PTPRF: variants seen among roughly 807,000 people sequenced by gnomAD.
PTPRF encodes the protein receptor-type tyrosine-protein phosphatase F.
Under a neutral mutation model 201.8 loss-of-function variants are expected in PTPRF, and 59 were observed. The observed-to-expected ratio is 0.29, with a 90% CI of 0.24 to 0.36. The LOEUF (loss-of-function observed/expected upper bound fraction) is 0.36. Among genes scored for constraint, PTPRF ranks in the 10% least tolerant of loss-of-function variants. The probability of loss-of-function intolerance (pLI) is 1.00; values close to 1 mark genes in which losing one functional copy is unlikely to be tolerated. For synonymous variants in PTPRF, 1,088 were observed against 1,089.7 expected (o/e 1.00, Z 0.03); for missense variants, 2,132 against 2,690.5 (o/e 0.79, Z 4.59).
intron 25 of PTPRF, 98 bp downstream of exon 25, chr1:43,618,009 A>G: frequency 7.9e-7 from 1 of 1,272,898 alleles, no homozygotes; most frequent in Non-Finnish European, 1.1e-6. Flanking sequence ...CTGTGGAGGA[A>G]GTCGCTCAAG....
intron 20 of PTPRF, 91 bp downstream of exon 20, chr1:43,606,549 C>G: frequency 2.2e-5 from 29 of 1,309,498 alleles, no homozygotes; most frequent in Non-Finnish European, 3.1e-5. Context: ...GACCCCAGGT[C>G]TTTATCAGTT....
At chr1:43,608,098 A>G (rs1397650713) in intron 21 of PTPRF, among the ~76,000 whole-genome samples, 2 of 152,190 alleles carry the variant, frequency 1.3e-5, no homozygotes, top group African/African-American at 4.8e-5. Flanking sequence ...CCCAGGGTGG[A>G]TGGACCTGTG....
In PTPRF at chr1:43,538,224, C is replaced by T. The variant is rs896825027; in HGVS notation, c.-99C>T. 13 of 398,648 alleles carry T rather than the reference C, an allele frequency of 3.3e-5. No individual in the cohort carries two copies. The highest frequency in any genetic ancestry group is 2.1e-4 in the African/African-American group (10 of 48,744). 24.7% of individuals were successfully genotyped at this position (398,648 alleles called of 1,614,324 possible). ...AAGGAGTGGAGGCCCTGGTGCCCGG[C>T]CCTTGGTGCTGAGTATCCAGCAAGA... is the stretch of plus-strand genomic sequence containing the variant. On this transcript the variant is annotated 5_prime_UTR_variant, in exon 2 of 34. Transcript: ENST00000359947.
At chr1:43,526,537 G>T (rs1011406224), upstream of PTPRF, among the ~76,000 whole-genome samples, 1 of 152,038 alleles carries the variant, frequency 6.6e-6, no homozygotes, top group Non-Finnish European at 1.5e-5. Flanking sequence ...TAAATAGGCC[G>T]TTTTGTAGTT....
At chr1:43,584,537 G>C (rs945725315) in intron 7 of PTPRF, among the ~76,000 whole-genome samples, 1 of 151,650 alleles carries the variant, frequency 6.6e-6, no homozygotes, top group Non-Finnish European at 1.5e-5. Flanking sequence ...CTGGTCCCTC[G>C]TCCCCTCCCT....
At chr1:43,592,070 C>G in intron 10 of PTPRF, 122 bp downstream of exon 10, 3 of 1,367,404 alleles carry the variant, frequency 2.2e-6, no homozygotes, top group East Asian at 2.4e-5. Context: ...TCTAAGGTTT[C>G]TGCTGGAGGC....
intron 10 of PTPRF, among the ~76,000 whole-genome samples, chr1:43,592,220 A>G (rs943717641): frequency 2.6e-5 from 4 of 152,052 alleles, no homozygotes; most frequent in Non-Finnish European, 5.9e-5. Context: ...CAGAGCCCTG[A>G]AGTTTCCCCA....
At chr1:43,569,873 T>C in intron 6 of PTPRF, 95 bp downstream of exon 6, 1 of 1,353,702 alleles carries the variant, frequency 7.4e-7, no homozygotes, top group Non-Finnish European at 9.8e-7. Flanking sequence ...CCTGGGCACC[T>C]CCAGGGCTGA....
At chr1:43,563,367 T>C (rs920573058) in intron 5 of PTPRF, among the ~76,000 whole-genome samples, 1 of 152,048 alleles carries the variant, frequency 6.6e-6, no homozygotes, top group Non-Finnish European at 1.5e-5. Context: ...AGAAATCTGT[T>C]GAGCCAGGTG....
chr1:43,606,483 C>T (rs761167747), intron 20 of PTPRF, 25 bp downstream of exon 20: 3 of 1,593,568 alleles, frequency 1.9e-6, no homozygotes, highest in South Asian at 1.1e-5. Flanking sequence ...GCTTGGCTGT[C>T]AGCACCCTGA....
rs1248850871 is a variant in PTPRF, at chr1:43,617,453, C to T, written c.4080C>T (p.Asp1360=). 3 of 1,614,170 alleles carry T rather than the reference C, an allele frequency of 1.9e-6. No homozygotes were observed. The highest frequency in any genetic ancestry group is 4.5e-5 in the East Asian group (2 of 44,864). The change falls in exon 24 of 34, where the codon GAC becomes GAT. Residue 1360 remains aspartate, a synonymous_variant. Coordinates refer to ENST00000359947, the MANE Select transcript of PTPRF (RefSeq NM_002840.5). ...TTCTCCATTCTCTGCAGTCCATCGA[C>T]CCTGGACAGCAGTTCACGTGGGAGA... is the stretch of plus-strand genomic sequence containing the variant. ...LKFSQEYESI[D]PGQQFTWENS...
intron 11 of PTPRF, among the ~76,000 whole-genome samples, chr1:43,597,191 GTA>G (rs1225609525): frequency 2.6e-5 from 4 of 152,132 alleles, no homozygotes; most frequent in African/African-American, 4.8e-5. Flanking sequence ...ATGTGACACT[GTA>G]TATGTGTGAG....
chr1:43,524,050 C>CGA (rs1491441849), upstream of PTPRF, among the ~76,000 whole-genome samples: 1 of 80,668 alleles, frequency 1.2e-5, no homozygotes, highest in Non-Finnish European at 2.2e-5. Flanking sequence ...GAGACTCTGT[C>CGA]AAAAAAAAAA....
At chr1:43,532,408 C>T (rs758131144) in intron 1 of PTPRF, among the ~76,000 whole-genome samples, 5 of 152,210 alleles carry the variant, frequency 3.3e-5, no homozygotes, top group Admixed American at 6.5e-5. Flanking sequence ...CAGGGCAGGG[C>T]CGGGAGGCTG....
chr1:43,591,569 C>T lies in PTPRF; in HGVS notation c.1531+16C>T, dbSNP rs768050364. The T allele has an allele frequency of 3.2e-6, 5 of 1,542,970 alleles. No homozygotes were observed. The highest frequency in any genetic ancestry group is 4.8e-5 in the East Asian group (2 of 41,864). ...CAGCAGGGAGGTAGGTGGGGGCATG[C>T]CGGCTGGGCAGCCAACAGCAGAGAA... On this transcript the variant is annotated intron_variant, in intron 9 of 33. Transcript: ENST00000359947.
chr1:43,583,523 C>T (rs944396204), intron 7 of PTPRF, among the ~76,000 whole-genome samples: 2 of 152,190 alleles, frequency 1.3e-5, no homozygotes, highest in Non-Finnish European at 2.9e-5. Flanking sequence ...CCGCCCTCCT[C>T]GCCTAGAGAC....
rs113166213 is a variant in PTPRF, at chr1:43,603,584, G to A, written c.2459-27G>A. On this transcript the variant is annotated intron_variant, in intron 15 of 33. Coordinates refer to ENST00000359947, the MANE Select transcript of PTPRF (RefSeq NM_002840.5). The surrounding 1 kb of genome is among the most constrained non-coding windows in gnomAD (Gnocchi z 5.8). ...GAGGGTGGGGCAGCAGGAGGGCAGC[G>A]CCAGAGCCCAGCCCGTGGTCCTTCA... The A allele has an allele frequency of 2.3e-5, 37 of 1,612,290 alleles. No homozygotes were observed. Among genetic ancestry groups the A allele is most frequent in the East Asian group, 1.6e-4 (7 of 44,856 alleles).
chr1:43,616,458 G>A (rs989538894), intron 23 of PTPRF, among the ~76,000 whole-genome samples: 3 of 151,872 alleles, frequency 2.0e-5, no homozygotes, highest in African/African-American at 7.3e-5. Flanking sequence ...GGGACAAGAG[G>A]AAAGAGGCAG....
At chr1:43,557,029 G>T (rs1322287847) in intron 5 of PTPRF, among the ~76,000 whole-genome samples, 2 of 152,270 alleles carry the variant, frequency 1.3e-5, no homozygotes, top group African/African-American at 4.8e-5. Flanking sequence ...TGACCTGGGG[G>T]CAAGTATTTC....
Sources: gnomAD v4.1 joint callset for allele counts (sites outside exome capture counted in the v4.1 genomes callset) on GRCh38, gnomAD v4.1.1 for gene constraint, Gnocchi (gnomAD v3.1) non-coding constraint, MANE v1.5 for transcripts, NCBI Gene and HGNC (gene_info 2026-07-23, HGNC 2026-07-21) for gene names.